The following MARCHF1 variants were observed in gnomAD, a reference collection of about 807,000 sequenced individuals.
MARCHF1 encodes membrane associated ring-CH-type finger 1.
A neutral mutation model predicts 54.2 loss-of-function variants in MARCHF1; 40 were observed. The ratio of observed to expected loss-of-function variants is 0.74; its 90% CI spans 0.57 to 0.96. The LOEUF (loss-of-function observed/expected upper bound fraction) is 0.96, where lower values mean the gene tolerates loss of function less well. Among genes scored for constraint, MARCHF1 ranks in the 40% least tolerant of loss-of-function variants. The pLI is 0.00. For synonymous variants in MARCHF1, 236 were observed against 236.3 expected, an observed-to-expected ratio of 1.00 and a Z score of 0.01; for missense variants, 586 against 656.5, an observed-to-expected ratio of 0.89 and a Z score of 1.17.
chr4:164,190,923 AT>A (rs1731107275), intron 1 of MARCHF1, among the ~76,000 whole-genome samples: 1 of 152,212 alleles, frequency 6.6e-6, no homozygotes, highest in African/African-American at 2.4e-5. Flanking sequence ...TACTTTTAGT[AT>A]CAAGAAGCAA....
chr4:163,534,100 C>G (rs1195421540), intron 9 of MARCHF1, among the ~76,000 whole-genome samples: 1 of 151,962 alleles, frequency 6.6e-6, no homozygotes, highest in Non-Finnish European at 1.5e-5. Flanking sequence ...CATGCTATTC[C>G]TCTGTTTAGA....
In MARCHF1 at chr4:163,612,148, A is replaced by G. The variant is rs951865915; in HGVS notation, c.1010+123T>C. ...ACCCACCTTTTCTCCTTTTATATCC[A>G]ATCAGAAAAAGAACAATGTAAATAA... On this transcript the variant is annotated intron_variant, in intron 7 of 9. Transcript: ENST00000514618. 20 of 867,354 alleles carry G rather than the reference A, an allele frequency of 2.3e-5. 1 individual carries two copies. The Admixed American group carries it at 6.5e-4, about 28-fold the overall frequency. 53.7% of individuals were successfully genotyped at this position (867,354 alleles called of 1,614,324 possible).
rs78325933 is a variant in MARCHF1 at position 163,558,587 on chromosome 4, A to G, written c.1192-12844T>C. Among the ~76,000 whole-genome samples, 517 of 152,348 alleles carry G rather than the reference A, an allele frequency of 3.4e-3. 26 individuals are homozygous for G. In the East Asian group the frequency reaches 0.089, roughly 26 times the overall value. On this transcript the variant is annotated intron_variant, in intron 8 of 9. Transcript: ENST00000514618. Reference sequence around the variant, plus strand: ...CATCAACAGCTGAGGGACAGCCCGTATAGAGAGAGTCTGCAGAAACAGGAC... The same window carrying G: ...CATCAACAGCTGAGGGACAGCCCGTGTAGAGAGAGTCTGCAGAAACAGGAC...
chr4:164,138,273 T>C (rs1756444686), intron 1 of MARCHF1, among the ~76,000 whole-genome samples: 1 of 151,890 alleles, frequency 6.6e-6, no homozygotes. Flanking sequence ...TTTTTAATCC[T>C]GGAAAATAGA....
chr4:164,087,274 A>G (rs1669506536), intron 2 of MARCHF1, among the ~76,000 whole-genome samples: 1 of 152,138 alleles, frequency 6.6e-6, no homozygotes, highest in Non-Finnish European at 1.5e-5. Context: ...TGAAGAAATG[A>G]TTCCTTTAAT....
At chr4:163,677,212 G>C (rs976464488) in intron 5 of MARCHF1, among the ~76,000 whole-genome samples, 2 of 152,130 alleles carry the variant, frequency 1.3e-5, no homozygotes, top group African/African-American at 2.4e-5. Context: ...ACAGAAACTA[G>C]AGCAAAATTT....
chr4:163,533,181 T>C (rs1738412712), intron 9 of MARCHF1, among the ~76,000 whole-genome samples: 1 of 151,884 alleles, frequency 6.6e-6, no homozygotes, highest in South Asian at 2.1e-4. Flanking sequence ...TAAAAAGAAA[T>C]GAGCTATCAA....
rs115100293 is a variant in MARCHF1 at position 163,778,222 on chromosome 4, C to T, written c.111+75799G>A. 3.5e-3 allele frequency among the ~76,000 whole-genome samples: 529 copies of T among 152,252 alleles called. 8 individuals carry two copies. The highest frequency in any genetic ancestry group is 0.012 in the African/African-American group (493 of 41,542). ...TTGGGTACTATAAAGAAAGCTGTTA[C>T]AATTGTTTGAATACATGCTTATGTA... On this transcript the variant is annotated intron_variant, in intron 4 of 9. Coordinates refer to ENST00000514618, the MANE Select transcript of MARCHF1 (RefSeq NM_001394959.1).
chr4:163,660,569 A>AC (rs1330859214), intron 5 of MARCHF1, among the ~76,000 whole-genome samples: 2 of 150,562 alleles, frequency 1.3e-5, no homozygotes, highest in African/African-American at 4.9e-5. Context: ...TTAAAGTAAA[A>AC]CTTAAAAAAA....
intron 1 of MARCHF1, among the ~76,000 whole-genome samples, chr4:164,293,995 G>A (rs749401443): frequency 5.3e-5 from 8 of 152,152 alleles, no homozygotes; most frequent in Admixed American, 2.6e-4. Context: ...CTGCCAGTGC[G>A]GTTAGAATAA....
At chr4:163,723,356 C>A (rs1745541275) in intron 4 of MARCHF1, among the ~76,000 whole-genome samples, 1 of 152,338 alleles carries the variant, frequency 6.6e-6, no homozygotes, top group East Asian at 1.9e-4. Context: ...TTGGCCCCCA[C>A]TCTCTTCTGG....
chr4:164,030,135 A>T (rs1753847635), intron 2 of MARCHF1, among the ~76,000 whole-genome samples: 2 of 152,144 alleles, frequency 1.3e-5, no homozygotes, highest in Non-Finnish European at 2.9e-5. Flanking sequence ...TCAATACTTT[A>T]AATCATTTAC....
intron 3 of MARCHF1, among the ~76,000 whole-genome samples, chr4:163,956,341 T>C (rs897752820): frequency 6.6e-6 from 1 of 152,158 alleles, no homozygotes; most frequent in Admixed American, 6.5e-5. Context: ...AATGAACGAC[T>C]GCTACATGAA....
At position 163,635,419 on chromosome 4, in the gene MARCHF1, C is replaced by A. The variant is rs542952727; in HGVS notation, c.163-22026G>T. ...AAAAATGATAAAGGGGATATCACCACCGATCCCACAGAAATACAAACTACC... is the reference window on the plus strand; with the variant it reads ...AAAAATGATAAAGGGGATATCACCAACGATCCCACAGAAATACAAACTACC... On this transcript the variant is annotated intron_variant, in intron 5 of 9. Transcript: ENST00000514618. Among the ~76,000 whole-genome samples, 5 of 150,492 alleles carry A rather than the reference C, an allele frequency of 3.3e-5. No homozygotes were observed. The East Asian group carries it at 7.8e-4, about 24-fold the overall frequency.
intron 1 of MARCHF1, among the ~76,000 whole-genome samples, chr4:164,204,388 C>A (rs868013960): frequency 2.6e-4 from 39 of 152,264 alleles, no homozygotes; most frequent in African/African-American, 9.4e-4. Flanking sequence ...TGGACACGTA[C>A]CTCCACAAAA....
chr4:163,564,149 A>G (rs1035060093), intron 8 of MARCHF1, among the ~76,000 whole-genome samples: 1 of 152,194 alleles, frequency 6.6e-6, no homozygotes, highest in Non-Finnish European at 1.5e-5. Flanking sequence ...TGTTCGGTAC[A>G]TATTTCTATA....
intron 3 of MARCHF1, among the ~76,000 whole-genome samples, chr4:163,897,412 A>AT (rs112454932): frequency 9.2e-5 from 14 of 152,020 alleles, no homozygotes; most frequent in African/African-American, 3.4e-4. Context: ...TATTCTCAGG[A>AT]TTTTTCCTAA....
chr4:164,214,097 T>C (rs1731860622), intron 1 of MARCHF1, among the ~76,000 whole-genome samples: 1 of 152,004 alleles, frequency 6.6e-6, no homozygotes, highest in Non-Finnish European at 1.5e-5. Context: ...AAAACGTCCA[T>C]GTAAATATAT....
At chr4:163,618,295 G>A (rs1741577668) in intron 5 of MARCHF1, among the ~76,000 whole-genome samples, 1 of 152,086 alleles carries the variant, frequency 6.6e-6, no homozygotes, top group African/African-American at 2.4e-5. Flanking sequence ...GTCTTTCATT[G>A]TTCCATGTGC....
Sources: allele counts gnomAD v4.1 joint callset (sites outside exome capture counted in the v4.1 genomes callset), GRCh38; gene constraint gnomAD v4.1.1; transcripts MANE v1.5; gene names NCBI Gene and HGNC (gene_info 2026-07-23, HGNC 2026-07-21).